The following CELF2 variants were observed in gnomAD, a reference collection of about 807,000 sequenced individuals.
CELF2 encodes the protein CUG triplet repeat RNA-binding protein 2.
A neutral mutation model predicts 62.6 loss-of-function variants in CELF2; 8 were observed. That is an observed-to-expected ratio of 0.13 (90% CI 0.07 to 0.23). The LOEUF (loss-of-function observed/expected upper bound fraction) is 0.23. CELF2 is among the 10% of genes least tolerant of loss of function. The pLI is 1.00. For missense variants in CELF2, 333 were observed against 671.0 expected, an observed-to-expected ratio of 0.50 and a Z score of 5.56; for synonymous variants, 258 against 250.0, an observed-to-expected ratio of 1.03 and a Z score of -0.30.
rs2093244033 is a variant in CELF2, at chr10:11,296,878, A to G, written c.976+8326A>G. Among the ~76,000 whole-genome samples the G allele has an allele frequency of 6.6e-6, 1 of 152,240 alleles. No homozygotes were observed. Among genetic ancestry groups the G allele is most frequent in the Non-Finnish European group, 1.5e-5 (1 of 68,040 alleles). On this transcript the variant is annotated intron_variant, in intron 9 of 12. Transcript: ENST00000633077. The surrounding 1 kb of genome is among the most constrained non-coding windows in gnomAD (Gnocchi z 5.0). ...ATGGAAGATACATCAAATGTGGGAA[A>G]ATGCAGAAATAGCATTTAATCAGCA...
chr10:11,283,958 G>GGGTGGATGATGGATGAC (rs1205902067), intron 8 of CELF2, among the ~76,000 whole-genome samples: 1 of 72,340 alleles, frequency 1.4e-5, no homozygotes. Flanking sequence ...AGGGATGAGT[G>GGGTGGATGATGGATGAC]TGTGGTGGGT....
rs2138446669 is a variant in CELF2 at position 11,267,898 on chromosome 10, T to C, written c.618+1221T>C. Among the ~76,000 whole-genome samples the C allele has an allele frequency of 6.6e-6, 1 of 152,332 alleles. No homozygotes were observed. The highest frequency in any genetic ancestry group is 2.4e-5 in the African/African-American group (1 of 41,564). On this transcript the variant is annotated intron_variant, in intron 6 of 12. Coordinates refer to ENST00000633077, the MANE Select transcript of CELF2 (RefSeq NM_001326342.2). This position sits in a 1 kb window ranked among gnomAD's most constrained non-coding sequence, Gnocchi z 4.4. Reference sequence around the variant, plus strand: ...AGCATTGCAAAGCCTATTGTCTTTTTCGAACATTGATCTTGACTTTGATAT... The same window carrying C: ...AGCATTGCAAAGCCTATTGTCTTTTCCGAACATTGATCTTGACTTTGATAT...
chr10:11,100,216 TAAATA>T (rs2051161851), intron 1 of CELF2, among the ~76,000 whole-genome samples: 1 of 122,868 alleles, frequency 8.1e-6, no homozygotes, highest in Non-Finnish European at 1.6e-5. Flanking sequence ...AATAAATAAA[TAAATA>T]AAATAAATAA....
chr10:10,979,127 T>A (rs892893069), intron 2 of CELF2, among the ~76,000 whole-genome samples: 2 of 152,142 alleles, frequency 1.3e-5, no homozygotes, highest in African/African-American at 4.8e-5. Context: ...AGAAAGTGAT[T>A]GAAACAGGAA....
In CELF2 at chr10:10,938,531, C is replaced by A. The variant is rs1310460253; in HGVS notation, c.89+18532C>A. 6.6e-6 allele frequency among the ~76,000 whole-genome samples: 1 copy of A among 152,220 alleles called. No individual in the cohort carries two copies. The highest frequency in any genetic ancestry group is 1.9e-4 in the East Asian group (1 of 5,202). On this transcript the variant is annotated intron_variant, in intron 2 of 13. Coordinates refer to the CELF2 transcript ENST00000636488. This position sits in a 1 kb window ranked among gnomAD's most constrained non-coding sequence, Gnocchi z 4.2. ...ATACCATTGCAAACATGTCAGGCAA[C>A]TCAAGTTTAGAAGATTCTCAACTTG...
chr10:10,804,632 G>A (rs2055018453), intron 1 of CELF2, among the ~76,000 whole-genome samples: 1 of 152,230 alleles, frequency 6.6e-6, no homozygotes, highest in South Asian at 2.1e-4. Flanking sequence ...TTAAATGTTT[G>A]AATGAGCCTT....
chr10:10,542,505 C>G, the CELF2 span, among the ~76,000 whole-genome samples: 1 of 152,194 alleles, frequency 6.6e-6, no homozygotes, highest in South Asian at 2.1e-4. Flanking sequence ...CAAAGACTGG[C>G]AGAGGAGAGG....
At chr10:10,763,375 G>A in the CELF2 span, among the ~76,000 whole-genome samples, 1 of 152,146 alleles carries the variant, frequency 6.6e-6, no homozygotes, top group Non-Finnish European at 1.5e-5. Flanking sequence ...ATTTGATAAT[G>A]GACTTGGAAA....
chr10:11,096,578 G>T (rs1356134935), intron 1 of CELF2, among the ~76,000 whole-genome samples: 1 of 152,176 alleles, frequency 6.6e-6, no homozygotes, highest in African/African-American at 2.4e-5. Flanking sequence ...CTGTTGCACG[G>T]AGCTAACTGA....
At chr10:10,646,070 T>C in the CELF2 span, among the ~76,000 whole-genome samples, 2 of 152,194 alleles carry the variant, frequency 1.3e-5, no homozygotes, top group Non-Finnish European at 2.9e-5. Context: ...CCATTGAGGT[T>C]TTCAGATAAG....
intron 1 of CELF2, among the ~76,000 whole-genome samples, chr10:10,837,181 A>G (rs10752206): frequency 0.76 from 116,195 of 152,124 alleles, 45,250 homozygotes; most frequent in East Asian, 0.97. Context: ...GGAGGGACCC[A>G]GTGGGAGATA....
the CELF2 span, among the ~76,000 whole-genome samples, chr10:10,696,993 A>G: frequency 3.9e-5 from 6 of 152,198 alleles, no homozygotes; most frequent in African/African-American, 7.2e-5. Flanking sequence ...CTATTCGGCC[A>G]TCTTGCGATT....
At chr10:10,991,273 G>A (rs904693064) in intron 2 of CELF2, among the ~76,000 whole-genome samples, 4 of 152,152 alleles carry the variant, frequency 2.6e-5, no homozygotes, top group Non-Finnish European at 4.4e-5. Flanking sequence ...TAAGAAAAAG[G>A]TTTGCAAAGT....
chr10:11,180,438 G>T (rs139846435), intron 2 of CELF2, among the ~76,000 whole-genome samples: 155 of 152,338 alleles, frequency 1.0e-3, no homozygotes, highest in Non-Finnish European at 2.0e-3. Flanking sequence ...AGCAGATTCA[G>T]TGAGGTCGTG....
At chr10:11,076,460 C>T (rs948100079) in intron 1 of CELF2, among the ~76,000 whole-genome samples, 1 of 152,152 alleles carries the variant, frequency 6.6e-6, no homozygotes, top group African/African-American at 2.4e-5. Flanking sequence ...GCACAGCTTG[C>T]TTTAATATCT....
rs1020772921 is a variant in CELF2 at position 10,850,525 on chromosome 10, G to T, written c.53+51708G>T. 2.6e-5 allele frequency among the ~76,000 whole-genome samples: 4 copies of T among 152,218 alleles called. No individual in the cohort carries two copies. The East Asian group carries it at 7.7e-4, about 29-fold the overall frequency. ...TTTAACCACGAAAGAATCTGGAAAT[G>T]CAAGTGTTTCAGCTTCCTCCTTGGA... On this transcript the variant is annotated intron_variant, in intron 1 of 13. Transcript: ENST00000636488.
chr10:10,978,140 A>C (rs1258752019), intron 2 of CELF2, among the ~76,000 whole-genome samples: 1 of 150,358 alleles, frequency 6.7e-6, no homozygotes, highest in Non-Finnish European at 1.5e-5. Context: ...ACTGTACTTG[A>C]CTCATCCTGA....
chr10:11,316,861 G>A lies in CELF2; in HGVS notation c.1096+2603G>A, dbSNP rs1352472490. The A allele has an allele frequency of 6.6e-6, 1 of 152,124 alleles. No individual in the cohort carries two copies. The highest frequency in any genetic ancestry group is 1.9e-4 in the East Asian group (1 of 5,200). The allele number at this position is 152,124 out of a possible 1,614,324, so 9.4% of individuals were successfully genotyped here. A position where few individuals can be genotyped will look rare whatever the true frequency, so the allele number is the denominator to read the frequency against. ...GAGTTTGATATCCTTTTTATTCCCT[G>A]ATACATTAATGAGTCAAAGGGCTAA... On this transcript the variant is annotated intron_variant, in intron 10 of 12. Transcript: ENST00000633077. The surrounding 1 kb of genome is among the most constrained non-coding windows in gnomAD (Gnocchi z 4.4).
rs1049719554 is a variant in CELF2 at position 11,046,249 on chromosome 10, A to G, written c.74+28086A>G. The stretch of plus-strand genomic sequence containing the variant: ...CCAGACGTTCCGATTCAGCGGGTCC[A>G]AGGTGGGGCTGGGAATTTGCATCTC... On this transcript the variant is annotated intron_variant, in intron 1 of 12. Transcript: ENST00000633077. This position sits in a 1 kb window ranked among gnomAD's most constrained non-coding sequence, Gnocchi z 4.6. Among the ~76,000 whole-genome samples, 1 of 152,184 alleles carries G rather than the reference A, an allele frequency of 6.6e-6. No homozygotes were observed. Among genetic ancestry groups the G allele is most frequent in the African/African-American group, 2.4e-5 (1 of 41,450 alleles).
Sources: gnomAD v4.1 joint callset for allele counts (sites outside exome capture counted in the v4.1 genomes callset) on GRCh38, gnomAD v4.1.1 for gene constraint, Gnocchi (gnomAD v3.1) non-coding constraint, MANE v1.5 for transcripts, NCBI Gene and HGNC (gene_info 2026-07-23, HGNC 2026-07-21) for gene names.